SUMF1: variants seen among roughly 807,000 people sequenced by gnomAD.
The protein encoded by SUMF1 is sulfatase modifying factor 1.
SUMF1 carries 48 observed loss-of-function variants against 47.6 expected under a neutral mutation model. The ratio of observed to expected loss-of-function variants is 1.01; its 90% CI spans 0.80 to 1.28. The LOEUF is 1.28. Ranked by LOEUF, SUMF1 falls within the 50% of genes most tolerant of loss-of-function variation. The pLI is 0.00. For missense variants in SUMF1, 571 were observed against 485.4 expected, an observed-to-expected ratio of 1.18 and a Z score of -1.66; for synonymous variants, 230 against 192.1, an observed-to-expected ratio of 1.20 and a Z score of -1.63.
chr3:4,244,855 C>T (rs1696625129), intron 8 of SUMF1, among the ~76,000 whole-genome samples: 1 of 151,930 alleles, frequency 6.6e-6, no homozygotes, highest in South Asian at 2.1e-4. Context: ...CCAACTGATT[C>T]CATTCTCCCC....
At chr3:4,313,494 T>C in intron 8 of SUMF1, 1 of 1,613,968 alleles carries the variant, frequency 6.2e-7, no homozygotes, top group South Asian at 1.1e-5. Flanking sequence ...CAGCCAAAGA[T>C]ATTGTGCCAG....
chr3:4,104,271 C>T (rs889113961), intron 8 of SUMF1, among the ~76,000 whole-genome samples: 1 of 152,058 alleles, frequency 6.6e-6, no homozygotes, highest in Non-Finnish European at 1.5e-5. Context: ...CGTCTGCCAC[C>T]ATGTAAGATG....
At chr3:4,342,440 T>A (rs141494296) in intron 8 of SUMF1, among the ~76,000 whole-genome samples, 21 of 152,244 alleles carry the variant, frequency 1.4e-4, no homozygotes, top group African/African-American at 4.3e-4. Context: ...GGCTGAGGCA[T>A]AAGAATAGCT....
At chr3:4,082,402 G>A (rs1050717749) in intron 8 of SUMF1, among the ~76,000 whole-genome samples, 1 of 152,080 alleles carries the variant, frequency 6.6e-6, no homozygotes, top group South Asian at 2.1e-4. Flanking sequence ...CTGGGAGGTC[G>A]AGGCTGCAAT....
At chr3:4,466,724 G>C (rs1344716034) in intron 1 of SUMF1, among the ~76,000 whole-genome samples, 1 of 152,150 alleles carries the variant, frequency 6.6e-6, no homozygotes, top group Non-Finnish European at 1.5e-5. Context: ...TAAGAGAACA[G>C]GTTGGAGGGA....
downstream of SUMF1, among the ~76,000 whole-genome samples, chr3:4,359,729 G>C (rs574615183): frequency 1.3e-5 from 2 of 152,046 alleles, no homozygotes; most frequent in Non-Finnish European, 2.9e-5. Context: ...AGAGCATGGG[G>C]GTTACTGCCC....
At position 4,418,064 on chromosome 3, in the gene SUMF1, C is replaced by G; in HGVS notation, c.671G>C (p.Arg224Pro). The change falls in exon 5 of 9, where the codon CGG becomes CCG. Residue 224 changes from arginine to proline, a missense_variant. Physicochemically the swap from Arg to Pro is moderately radical, Grantham distance 103. Coordinates refer to ENST00000272902, the MANE Select transcript of SUMF1 (RefSeq NM_182760.4). ...AVAYCTWAGK[R>P]LPTEAEWEYS... Reference sequence around the variant, plus strand: ...TTCCCACTCAGCTTCCGTGGGCAGCCGCTTCCCTGCCCAAGTGCAGTAGGC... The same window carrying G: ...TTCCCACTCAGCTTCCGTGGGCAGCGGCTTCCCTGCCCAAGTGCAGTAGGC... 1 of 1,614,030 alleles carries G rather than the reference C, an allele frequency of 6.2e-7. No homozygotes were observed. The highest frequency in any genetic ancestry group is 8.5e-7 in the Non-Finnish European group (1 of 1,180,008).
intron 8 of SUMF1, among the ~76,000 whole-genome samples, chr3:4,173,423 CT>C (rs1221652106): frequency 5.9e-5 from 9 of 152,172 alleles, no homozygotes; most frequent in South Asian, 2.1e-4. Context: ...CACTTTTACA[CT>C]GTGGGTGGGA....
At chr3:4,167,768 C>T (rs1694742649) in intron 8 of SUMF1, among the ~76,000 whole-genome samples, 1 of 152,108 alleles carries the variant, frequency 6.6e-6, no homozygotes, top group Non-Finnish European at 1.5e-5. Context: ...GAAGCAAGCG[C>T]TAAGATTTGA....
At chr3:4,098,963 T>C (rs551752839) in intron 8 of SUMF1, among the ~76,000 whole-genome samples, 2 of 152,268 alleles carry the variant, frequency 1.3e-5, no homozygotes, top group South Asian at 2.1e-4. Flanking sequence ...TCTGATGTGC[T>C]AGGGCCTCAG....
intron 8 of SUMF1, among the ~76,000 whole-genome samples, chr3:4,285,511 T>C (rs1483166231): frequency 6.6e-6 from 1 of 152,178 alleles, no homozygotes; most frequent in Non-Finnish European, 1.5e-5. Flanking sequence ...TTCCTAAACT[T>C]TGACAATGAA....
At chr3:4,420,028 G>C in intron 4 of SUMF1, 36 bp downstream of exon 4, 1 of 1,582,052 alleles carries the variant, frequency 6.3e-7, no homozygotes, top group Admixed American at 1.7e-5. Context: ...TTTTGCAATG[G>C]AACTTGTCAA....
Position 4,418,032 on chromosome 3 carries a change from A to C in SUMF1, c.703T>G (p.Cys235Gly). 1.2e-6 allele frequency: 2 copies of C among 1,614,034 alleles called. No individual in the cohort carries two copies. Among genetic ancestry groups the C allele is most frequent in the South Asian group, 2.2e-5 (2 of 91,070 alleles). Residue 235 changes from cysteine (C) to glycine (G), a missense_variant, in exon 5 of 9, where the codon TGT (cysteine) becomes GGT (glycine). By Grantham distance (159) the Cys-to-Gly change is radical. Transcript: ENST00000272902. ...TACCTATTATGCAGGCCTCCTCGACAGCTGTATTCCCACTCAGCTTCCGTG... is the reference window on the plus strand; with the variant it reads ...TACCTATTATGCAGGCCTCCTCGACCGCTGTATTCCCACTCAGCTTCCGTG... ...LPTEAEWEYS[C>G]RGGLHNRLFP...
intron 8 of SUMF1, among the ~76,000 whole-genome samples, chr3:4,369,057 T>C (rs1353952510): frequency 6.9e-6 from 1 of 145,208 alleles, no homozygotes. Context: ...GTTTTTTTTT[T>C]TTTTTAAATT....
rs565043894 is a variant in SUMF1 at position 4,351,056 on chromosome 3, G to A, written c.1014+25274C>T. Among the ~76,000 whole-genome samples, 3 of 152,266 alleles carry A rather than the reference G, an allele frequency of 2.0e-5. No individual in the cohort carries two copies. In the South Asian group the frequency reaches 6.2e-4, roughly 32 times the overall value. ...CCACGGAAAACCATACCCACAGACG[G>A]AGGTACAAGGGTTGGCTCCACAAGA... On this transcript the variant is annotated intron_variant and NMD_transcript_variant, in intron 8 of 12. Transcript: ENST00000448413.
At chr3:4,347,486 T>C (rs568900603) in intron 8 of SUMF1, among the ~76,000 whole-genome samples, 8 of 152,194 alleles carry the variant, frequency 5.3e-5, no homozygotes, top group Non-Finnish European at 8.8e-5. Context: ...TCAACATCCC[T>C]TCATGTTAAA....
intron 8 of SUMF1, among the ~76,000 whole-genome samples, chr3:4,074,561 T>G (rs1373397966): frequency 6.6e-6 from 1 of 152,084 alleles, no homozygotes; most frequent in East Asian, 1.9e-4. Context: ...AGCTGGTTTT[T>G]TGGAAAGATC....
At chr3:4,263,555 C>A (rs1170636873) in intron 8 of SUMF1, among the ~76,000 whole-genome samples, 2 of 152,154 alleles carry the variant, frequency 1.3e-5, no homozygotes, top group African/African-American at 4.8e-5. Flanking sequence ...CTCATCAACA[C>A]TGGTCCATTT....
chr3:4,264,894 C>T (rs12488080), intron 8 of SUMF1, among the ~76,000 whole-genome samples: 1 of 151,882 alleles, frequency 6.6e-6, no homozygotes, highest in East Asian at 1.9e-4. Flanking sequence ...AGCACTTTGG[C>T]AGGCCAAGGC....
Sources: gnomAD v4.1 joint callset for allele counts (sites outside exome capture counted in the v4.1 genomes callset) on GRCh38, gnomAD v4.1.1 for gene constraint, MANE v1.5 for transcripts, NCBI Gene and HGNC (gene_info 2026-07-23, HGNC 2026-07-21) for gene names.